Variants in VPS37A observed in about 807,000 individuals in gnomAD.
VPS37A encodes the protein vacuolar protein sorting-associated protein 37A.
In VPS37A, 30 loss-of-function variants were observed where a neutral mutation model predicts 49.8. That is an observed-to-expected ratio of 0.60 (90% confidence interval 0.45 to 0.82). VPS37A has a LOEUF of 0.82. Among genes scored for constraint, VPS37A ranks in the 40% least tolerant of loss-of-function variants. The pLI is 0.00. For missense variants in VPS37A, 593 were observed against 464.4 expected, an observed-to-expected ratio of 1.28 and a Z score of -2.55; for synonymous variants, 195 against 160.6, an observed-to-expected ratio of 1.21 and a Z score of -1.62.
At chr8:17,308,827 C>G in the VPS37A span, among the ~76,000 whole-genome samples, 1 of 152,148 alleles carries the variant, frequency 6.6e-6, no homozygotes, top group Admixed American at 6.5e-5. Context: ...GGTTCTGAAG[C>G]CTTCATCACC....
downstream of VPS37A, among the ~76,000 whole-genome samples, chr8:17,304,097 T>A (rs893758459): frequency 6.6e-6 from 1 of 152,236 alleles, no homozygotes; most frequent in African/African-American, 2.4e-5. Context: ...ATTATTCTCT[T>A]TCATTTGCTT....
Position 17,274,929 on chromosome 8 carries a change from C to T in VPS37A, c.613C>T (p.Pro205Ser). 6.2e-7 allele frequency: 1 copy of T among 1,614,160 alleles called. No individual in the cohort carries two copies. Among genetic ancestry groups the T allele is most frequent in the East Asian group, 2.2e-5 (1 of 44,872 alleles). Residue 205 changes from proline (P) to serine (S), a missense_variant, in exon 5 of 12, where the codon CCC (proline) becomes TCC (serine). Coordinates refer to ENST00000324849, the MANE Select transcript of VPS37A (RefSeq NM_152415.3). Reference protein sequence around the residue: ...SFGVLSNLPLPIPTVDASIPT... With the variant: ...SFGVLSNLPLSIPTVDASIPT... ...TGGTGTCCTTTCAAATCTGCCATTA[C>T]CCATTCCCACAGTGGATGCTTCAAT... is the stretch of plus-strand genomic sequence containing the variant.
chr8:17,247,421 G>GGGGGGT, intron 1 of VPS37A, 52 bp downstream of exon 1: 1 of 163,976 alleles, frequency 6.1e-6, no homozygotes. Context: ...GGGAGGGCGG[G>GGGGGGT]CTTGTCCTAA....
At chr8:17,285,297 T>A (rs1295951503) in intron 10 of VPS37A, among the ~76,000 whole-genome samples, 1 of 152,176 alleles carries the variant, frequency 6.6e-6, no homozygotes, top group African/African-American at 2.4e-5. Flanking sequence ...AGCTGATAAA[T>A]CTAGTCCTAA....
chr8:17,275,454 G>C (rs1031078183), intron 5 of VPS37A, among the ~76,000 whole-genome samples: 3 of 152,272 alleles, frequency 2.0e-5, no homozygotes, highest in Non-Finnish European at 4.4e-5. Flanking sequence ...AAGACATTGA[G>C]GTAGAAACTG....
chr8:17,256,020 A>AT lies in VPS37A; in HGVS notation c.125+8659dup, dbSNP rs1212036591. On this transcript the variant is annotated intron_variant, in intron 1 of 11. Coordinates refer to ENST00000324849, the MANE Select transcript of VPS37A (RefSeq NM_152415.3). ...ACGTGGGAGTGCAGCTATCTCTTTG[A>AT]TTTTTTTTCTTTATTTTGGCAATAT... Among the ~76,000 whole-genome samples, 10 of 150,676 alleles carry AT rather than the reference A, an allele frequency of 6.6e-5. No individual in the cohort carries two copies. In the East Asian group the frequency reaches 7.8e-4, roughly 12 times the overall value.
rs1263056335 is a variant in VPS37A, at chr8:17,297,694, C to CTGAT, written c.*2710_*2713dup. On this transcript the variant is annotated 3_prime_UTR_variant, in exon 12 of 12. Transcript: ENST00000324849. ...ACCACTGCTCTCAATAAAACACTTC[C>CTGAT]TGATTAATGTTTGATTATTAGATAT... The CTGAT allele has an allele frequency of 2.6e-5, 4 of 152,096 alleles. No individual in the cohort carries two copies. The highest frequency in any genetic ancestry group is 2.6e-4 in the Admixed American group (4 of 15,294). 9.4% of individuals were successfully genotyped at this position (152,096 alleles called of 1,614,324 possible). A position where few individuals can be genotyped will look rare whatever the true frequency, so the allele number is the denominator to read the frequency against.
chr8:17,311,904 C>G, the VPS37A span: 1 of 377,822 alleles, frequency 2.6e-6, no homozygotes, highest in Non-Finnish European at 4.8e-6. Context: ...CATAAGCATT[C>G]GTCCTATGCA....
intron 1 of VPS37A, among the ~76,000 whole-genome samples, chr8:17,255,490 ATATGTG>A (rs2150352504): frequency 7.6e-6 from 1 of 132,378 alleles, no homozygotes; most frequent in African/African-American, 3.0e-5. Context: ...TTAAATATAT[ATATGTG>A]TGTGTGTGTG....
intron 2 of VPS37A, among the ~76,000 whole-genome samples, chr8:17,267,412 A>T (rs1813570494): frequency 6.6e-6 from 1 of 152,062 alleles, no homozygotes; most frequent in Admixed American, 6.5e-5. Flanking sequence ...CATTTTTAAG[A>T]TTTCACTCAC....
At chr8:17,306,673 C>A (rs565411715), downstream of VPS37A, among the ~76,000 whole-genome samples, 1 of 152,022 alleles carries the variant, frequency 6.6e-6, no homozygotes, top group South Asian at 2.1e-4. Context: ...AATATAGAAC[C>A]CCGTGTTAGT....
intron 10 of VPS37A, among the ~76,000 whole-genome samples, chr8:17,285,171 C>T (rs1475297467): frequency 1.3e-5 from 2 of 152,110 alleles, no homozygotes; most frequent in African/African-American, 4.8e-5. Flanking sequence ...TGAAAAGCCT[C>T]TTGAGAATAA....
chr8:17,273,534 T>G (rs1261099938), intron 4 of VPS37A, among the ~76,000 whole-genome samples: 4 of 151,998 alleles, frequency 2.6e-5, no homozygotes, highest in Admixed American at 2.6e-4. Context: ...GCCCAGCTAA[T>G]TTTTTGTATT....
rs376604457 is a variant in VPS37A, at chr8:17,272,851, G to GTGTCACTTT, written c.417-1880_417-1872dup. The stretch of plus-strand genomic sequence containing the variant: ...AAAGGAGTATAGAGTGAAAATCTCC[G>GTGTCACTTT]TGTCACTTTTTTCCCTTGCAGCTTA... On this transcript the variant is annotated intron_variant, in intron 4 of 11. Transcript: ENST00000324849. Among the ~76,000 whole-genome samples, 422 of 88,818 alleles carry GTGTCACTTT rather than the reference G, an allele frequency of 4.8e-3. 4 individuals are homozygous for GTGTCACTTT. The highest frequency in any genetic ancestry group is 0.031 in the African/African-American group (399 of 12,820). 58.3% of individuals were successfully genotyped at this position (88,818 alleles called of 152,430 possible). A position where few individuals can be genotyped will look rare whatever the true frequency, so the allele number is the denominator to read the frequency against.
downstream of VPS37A, chr8:17,302,495 A>T (rs1305372429): frequency 2.1e-6 from 1 of 481,852 alleles, no homozygotes; most frequent in Non-Finnish European, 3.6e-6. Flanking sequence ...GTTTATGAAA[A>T]GTCTGCCTGT....
chr8:17,331,141 A>G, the VPS37A span: 1 of 1,609,450 alleles, frequency 6.2e-7, no homozygotes, highest in Non-Finnish European at 8.5e-7. Flanking sequence ...GCATAAGGAA[A>G]TGGTTTACCT....
Position 17,266,232 on chromosome 8 carries a change from A to G in VPS37A, c.200+251A>G, listed in dbSNP as rs532822473. Among the ~76,000 whole-genome samples, 59 of 152,330 alleles carry G rather than the reference A, an allele frequency of 3.9e-4. No individual in the cohort carries two copies. The South Asian group carries it at 8.7e-3, about 22-fold the overall frequency. On this transcript the variant is annotated intron_variant, in intron 2 of 11. Coordinates refer to ENST00000324849, the MANE Select transcript of VPS37A (RefSeq NM_152415.3). The stretch of plus-strand genomic sequence containing the variant: ...AATTCTGAGTACTGTAATTGTTTTT[A>G]TTGATAAGCACTAAAATCTTAGCAG...
At chr8:17,283,687 C>G (rs1400291079) in intron 9 of VPS37A, among the ~76,000 whole-genome samples, 1 of 152,064 alleles carries the variant, frequency 6.6e-6, no homozygotes, top group African/African-American at 2.4e-5. Flanking sequence ...TCTGGGCTGT[C>G]TATTCTGTTC....
chr8:17,247,392 C>G lies in VPS37A; in HGVS notation c.125+23C>G. 3 of 960,478 alleles carry G rather than the reference C, an allele frequency of 3.1e-6. 1 individual carries two copies. Among genetic ancestry groups the G allele is most frequent in the Non-Finnish European group, 4.3e-6 (3 of 691,392 alleles). The allele number at this position is 960,478 out of a possible 1,614,324, so 59.5% of individuals were successfully genotyped here. ...CAGGTGACTGGTCGCTGCCTCTCCA[C>G]CGGAGGAAAAAGTAGGGTGGGAGGG... On this transcript the variant is annotated intron_variant, in intron 1 of 11. Transcript: ENST00000324849.
Sources: gnomAD v4.1 joint callset for allele counts (sites outside exome capture counted in the v4.1 genomes callset) on GRCh38, gnomAD v4.1.1 for gene constraint, MANE v1.5 for transcripts, NCBI Gene and HGNC (gene_info 2026-07-23, HGNC 2026-07-21) for gene names.